Variants in TRABD2A observed in about 807,000 individuals in gnomAD.
The protein encoded by TRABD2A is TraB domain containing 2A.
Under a neutral mutation model 45.6 loss-of-function variants are expected in TRABD2A, and 43 were observed. The observed-to-expected ratio is 0.94, with a 90% CI of 0.74 to 1.22. TRABD2A has a LOEUF of 1.22. TRABD2A is among the 50% of genes most tolerant of loss of function. The pLI is 0.00. For missense variants in TRABD2A, 642 were observed against 652.4 expected, an observed-to-expected ratio of 0.98 and a Z score of 0.17; for synonymous variants, 269 against 265.0, an observed-to-expected ratio of 1.02 and a Z score of -0.15.
At chr2:84,847,601 G>A (rs950001422) in intron 2 of TRABD2A, among the ~76,000 whole-genome samples, 5 of 152,216 alleles carry the variant, frequency 3.3e-5, no homozygotes, top group Admixed American at 2.6e-4. Context: ...GTGGCCAGGA[G>A]GGGAGAAAGG....
At chr2:84,863,828 G>T (rs1486791636) in intron 2 of TRABD2A, among the ~76,000 whole-genome samples, 5 of 151,972 alleles carry the variant, frequency 3.3e-5, no homozygotes, top group African/African-American at 1.2e-4. Flanking sequence ...AGCCAGGATG[G>T]TCTCGATCTC....
intron 6 of TRABD2A, among the ~76,000 whole-genome samples, chr2:84,822,950 C>T (rs112736701): frequency 3.3e-5 from 5 of 152,298 alleles, no homozygotes; most frequent in African/African-American, 7.2e-5. Context: ...TTAACGCAAT[C>T]GTTCCCTCCA....
chr2:84,879,312 C>G (rs1683128854), intron 1 of TRABD2A, among the ~76,000 whole-genome samples: 1 of 151,948 alleles, frequency 6.6e-6, no homozygotes, highest in Admixed American at 6.6e-5. Context: ...TCTGGAGTAG[C>G]TGGGACTGCA....
At chr2:84,842,057 C>T in intron 2 of TRABD2A, 50 bp from the exon 3 acceptor site, 1 of 1,431,532 alleles carries the variant, frequency 7.0e-7, no homozygotes, top group African/African-American at 1.4e-5. Context: ...CTGTTTGCTG[C>T]CATCTTATTT....
chr2:84,845,116 C>T (rs1162725557), intron 2 of TRABD2A, among the ~76,000 whole-genome samples: 12 of 152,152 alleles, frequency 7.9e-5, no homozygotes, highest in South Asian at 4.2e-4. Context: ...TTTGGGAGGC[C>T]GATGCAGGTG....
chr2:84,845,609 A>T (rs1681870351), intron 2 of TRABD2A, among the ~76,000 whole-genome samples: 1 of 152,130 alleles, frequency 6.6e-6, no homozygotes, highest in African/African-American at 2.4e-5. Context: ...TGTGATCCTG[A>T]GTTACTCTAG....
rs771200275 is a variant in TRABD2A at position 84,832,126 on chromosome 2, G to A, written c.1011C>T (p.Asn337=). The A allele has an allele frequency of 1.2e-6, 2 of 1,614,008 alleles. No homozygotes were observed. Among genetic ancestry groups the A allele is most frequent in the Non-Finnish European group, 1.7e-6 (2 of 1,179,898 alleles). ...CACGCCGCAAAACATCCAGCACTGT[G>A]TTGTTGCCCATGAAATGACCTGCAG... ...AFGAGHFMGN[N]TVLDVLRREG... The change falls in exon 5 of 7, where the codon AAC becomes AAT. Residue 337 remains asparagine, a synonymous_variant. Transcript: ENST00000409520.
chr2:84,839,581 GCT>G (rs1681639823), intron 3 of TRABD2A, among the ~76,000 whole-genome samples: 2 of 151,428 alleles, frequency 1.3e-5, no homozygotes, highest in South Asian at 4.2e-4. Context: ...TAGTTAAATG[GCT>G]CTGTCTGATG....
rs1011167404 is a variant in TRABD2A at position 84,870,678 on chromosome 2, G to A, written c.216C>T (p.Asp72=). The A allele has an allele frequency of 3.7e-6, 6 of 1,608,130 alleles. No individual in the cohort carries two copies. The highest frequency in any genetic ancestry group is 5.1e-6 in the Non-Finnish European group (6 of 1,177,274). ...TCTGCAGGAAAGCCTCCTTAGAGTT[G>A]TCGGGGATGAAGTCCCAAACTCGGG... The part of the protein sequence containing the change: ...PYTRVWDFIP[D]NSKEAFLQSS... Residue 72 remains aspartate (D), a synonymous_variant, in exon 2 of 7, where the codon GAC becomes GAT. Coordinates refer to ENST00000409520, the MANE Select transcript of TRABD2A (RefSeq NM_001277053.2).
In TRABD2A at chr2:84,824,029, G is replaced by T. The variant is rs1401600406; in HGVS notation, c.1258C>A (p.Arg420=). 3 of 1,613,828 alleles carry T rather than the reference G, an allele frequency of 1.9e-6. No individual in the cohort carries two copies. Among genetic ancestry groups the T allele is most frequent in the East Asian group, 4.5e-5 (2 of 44,876 alleles). ...CGCTGTGACCGCCTCCGCTTCTTCC[G>T]GAACCTCTGTTCGGCCTCACTGGGC... ...DTPSEAEQRF[R]KKRRRSQRRP... The change falls in exon 6 of 7, where the codon CGG becomes AGG. Residue 420 remains arginine (R), a synonymous_variant. Coordinates refer to ENST00000409520, the MANE Select transcript of TRABD2A (RefSeq NM_001277053.2).
In TRABD2A at chr2:84,863,635, A is replaced by G. The variant is rs1438607574; in HGVS notation, c.669+6590T>C. ...TTTTTTTTTTTTGTCTTTTTGAGAC[A>G]GAGTCTCGCTCTGATGCCCAGGCTG... On this transcript the variant is annotated intron_variant, in intron 2 of 6. Transcript: ENST00000409520. Among the ~76,000 whole-genome samples, 178 of 96,682 alleles carry G rather than the reference A, an allele frequency of 1.8e-3. No individual in the cohort carries two copies. In the Middle Eastern group the frequency reaches 0.045, roughly 25 times the overall value. 63.4% of individuals were successfully genotyped at this position (96,682 alleles called of 152,430 possible). A position where few individuals can be genotyped will look rare whatever the true frequency, so the allele number is the denominator to read the frequency against.
intron 5 of TRABD2A, among the ~76,000 whole-genome samples, chr2:84,829,019 G>A (rs953181368): frequency 6.6e-6 from 1 of 152,170 alleles, no homozygotes; most frequent in African/African-American, 2.4e-5. Flanking sequence ...AGAAGAAAGG[G>A]TAGAAAGAAA....
In TRABD2A at chr2:84,870,812, G is replaced by A. The variant is rs1272495679; in HGVS notation, c.109-27C>T. Reference sequence around the variant, plus strand: ...TGAAAAGAAAAGAGGTAACATCAAGGTATAATATGGGGGAGAGGCATGGTC... The same window carrying A: ...TGAAAAGAAAAGAGGTAACATCAAGATATAATATGGGGGAGAGGCATGGTC... On this transcript the variant is annotated intron_variant, in intron 1 of 6. Transcript: ENST00000409520. The A allele has an allele frequency of 5.2e-6, 8 of 1,529,044 alleles. No individual in the cohort carries two copies. The East Asian group carries it at 9.7e-5, about 19-fold the overall frequency. The allele number at this position is 1,529,044 out of a possible 1,614,324, so 94.7% of individuals were successfully genotyped here. A position where few individuals can be genotyped will look rare whatever the true frequency, so the allele number is the denominator to read the frequency against.
At chr2:84,870,997 G>A (rs1172468768) in intron 1 of TRABD2A, among the ~76,000 whole-genome samples, 1 of 152,160 alleles carries the variant, frequency 6.6e-6, no homozygotes, top group African/African-American at 2.4e-5. Flanking sequence ...TAGGACTCTA[G>A]TTTCAACCTT....
intron 1 of TRABD2A, among the ~76,000 whole-genome samples, chr2:84,876,152 A>G (rs1573959274): frequency 6.6e-6 from 1 of 152,286 alleles, no homozygotes; most frequent in African/African-American, 2.4e-5. Context: ...CAAGCATACA[A>G]CTTGTGCCAA....
intron 3 of TRABD2A, 63 bp from the exon 4 acceptor site, chr2:84,839,386 T>C (rs943691269): frequency 5.9e-5 from 87 of 1,476,178 alleles, no homozygotes; most frequent in Non-Finnish European, 6.0e-5. Flanking sequence ...AGTTACTTCA[T>C]TGGAGCATCA....
Position 84,824,142 on chromosome 2 carries a change from G to C in TRABD2A, c.1145C>G (p.Pro382Arg). 6.2e-7 allele frequency: 1 copy of C among 1,614,038 alleles called. No homozygotes were observed. Among genetic ancestry groups the C allele is most frequent in the African/African-American group, 1.3e-5 (1 of 75,060 alleles). ...TTCTGGTGCCGGTACTTCCAGGGTA[G>C]GGACTTTTGGAGCAAAGATGGTGGA... ...TLSTIFAPKV[P>R]TLEVPAPEAV... Residue 382 changes from proline (P) to arginine (R), a missense_variant, in exon 6 of 7, where the codon CCT becomes CGT. By Grantham distance (103) the Pro-to-Arg change is moderately radical. Transcript: ENST00000409520.
intron 1 of TRABD2A, among the ~76,000 whole-genome samples, chr2:84,872,679 T>A (rs1682902752): frequency 6.6e-6 from 1 of 152,238 alleles, no homozygotes; most frequent in Non-Finnish European, 1.5e-5. Context: ...TTATTCATGG[T>A]AGTTATATTT....
chr2:84,840,006 T>C (rs1681653342), intron 3 of TRABD2A, among the ~76,000 whole-genome samples: 1 of 152,102 alleles, frequency 6.6e-6, no homozygotes, highest in African/African-American at 2.4e-5. Context: ...CCCCCTCAGC[T>C]GTCTGGCTTC....
Sources: gnomAD v4.1 joint callset for allele counts (sites outside exome capture counted in the v4.1 genomes callset) on GRCh38, gnomAD v4.1.1 for gene constraint, MANE v1.5 for transcripts, NCBI Gene and HGNC (gene_info 2026-07-23, HGNC 2026-07-21) for gene names.